The following CADPS2 variants were observed in gnomAD, a reference collection of about 807,000 sequenced individuals.
CADPS2 encodes calcium-dependent secretion activator 2.
In CADPS2, 93 loss-of-function variants were observed where a neutral mutation model predicts 172.5. That is an observed-to-expected ratio of 0.54 (90% CI 0.46 to 0.64). CADPS2 has a LOEUF of 0.64. CADPS2 is among the 30% of genes least tolerant of loss of function. CADPS2 has a pLI of 0.00. For missense variants in CADPS2, 1,420 were observed against 1,565.9 expected, an observed-to-expected ratio of 0.91 and a Z score of 1.57; for synonymous variants, 546 against 555.2, an observed-to-expected ratio of 0.98 and a Z score of 0.23.
rs1393750795 is a variant in CADPS2, at chr7:122,885,988, C to T, written c.339+11G>A. 6.3e-7 allele frequency: 1 copy of T among 1,598,158 alleles called. No individual in the cohort carries two copies. Among genetic ancestry groups the T allele is most frequent in the Non-Finnish European group, 8.5e-7 (1 of 1,172,882 alleles). ...AAGTGGTGGTAGGAGGCGCCCGGTC[C>T]CGCAACTCACCTTCTGCTGCCTCCG... On this transcript the variant is annotated intron_variant, in intron 1 of 29. Transcript: ENST00000449022.
At chr7:122,353,246 C>T (rs798694) in intron 27 of CADPS2, among the ~76,000 whole-genome samples, 54,394 of 151,972 alleles carry the variant, frequency 0.36, 10,045 homozygotes, top group East Asian at 0.56. Flanking sequence ...ATCCTCGACC[C>T]CATATCAAGT....
chr7:122,457,255 C>T (rs529614921), intron 14 of CADPS2, among the ~76,000 whole-genome samples: 1 of 152,268 alleles, frequency 6.6e-6, no homozygotes, highest in African/African-American at 2.4e-5. Context: ...ATGAGGAAGA[C>T]TGCTTAAATA....
intron 25 of CADPS2, among the ~76,000 whole-genome samples, chr7:122,363,343 T>C (rs2040430723): frequency 6.6e-6 from 1 of 152,214 alleles, no homozygotes; most frequent in Admixed American, 6.5e-5. Flanking sequence ...CCATGGAGGC[T>C]GTAGCCCAGC....
intron 2 of CADPS2, among the ~76,000 whole-genome samples, chr7:122,688,175 T>C (rs1400973550): frequency 6.6e-6 from 1 of 152,190 alleles, no homozygotes; most frequent in Non-Finnish European, 1.5e-5. Context: ...GTATCCATGG[T>C]GTGTTGGTAA....
chr7:122,605,319 CTG>C (rs1422079044), intron 6 of CADPS2, among the ~76,000 whole-genome samples: 1 of 152,038 alleles, frequency 6.6e-6, no homozygotes, highest in Non-Finnish European at 1.5e-5. Context: ...AATTAAGTAA[CTG>C]TACTACGATG....
In CADPS2 at chr7:122,740,856, G is replaced by T. The variant is rs77042132; in HGVS notation, c.340-3788C>A. Among the ~76,000 whole-genome samples, 1,293 of 152,074 alleles carry T rather than the reference G, an allele frequency of 8.5e-3. 20 individuals carry two copies. Among genetic ancestry groups the T allele is most frequent in the African/African-American group, 0.029 (1,207 of 41,508 alleles). On this transcript the variant is annotated intron_variant, in intron 1 of 29. Coordinates refer to ENST00000449022, the MANE Select transcript of CADPS2 (RefSeq NM_017954.11). The stretch of plus-strand genomic sequence containing the variant: ...AACCAACAGAAAAATGGACAAAATT[G>T]ATATGTTCAGATAAAAGACTTAATC...
Position 122,613,676 on chromosome 7 carries a change from GT to G in CADPS2, c.1223+1504del, listed in dbSNP as rs1270924768. On this transcript the variant is annotated intron_variant, in intron 6 of 29. Transcript: ENST00000449022. ...TGGGGGTTGATAGCTAAAGGGTACAGTTTTTTTTTTTTCTTGAGATGATGAG... is the reference window on the plus strand; with the variant it reads ...TGGGGGTTGATAGCTAAAGGGTACAGTTTTTTTTTTTCTTGAGATGATGAG... Among the ~76,000 whole-genome samples, 146 of 145,812 alleles carry G rather than the reference GT, an allele frequency of 1.0e-3. 1 individual carries two copies. Among genetic ancestry groups the G allele is most frequent in the East Asian group, 2.0e-3 (10 of 5,014 alleles).
chr7:122,456,787 C>A (rs1262588813), intron 14 of CADPS2, among the ~76,000 whole-genome samples: 1 of 152,160 alleles, frequency 6.6e-6, no homozygotes, highest in Non-Finnish European at 1.5e-5. Flanking sequence ...CACACAAACA[C>A]AGACAACACT....
At chr7:122,550,574 A>C in intron 8 of CADPS2, among the ~76,000 whole-genome samples, 1 of 152,314 alleles carries the variant, frequency 6.6e-6, no homozygotes, top group Non-Finnish European at 1.5e-5. Flanking sequence ...TTGTCATAAC[A>C]GTCATTTATT....
chr7:122,589,643 T>C (rs758134668), intron 6 of CADPS2, among the ~76,000 whole-genome samples: 1 of 151,926 alleles, frequency 6.6e-6, no homozygotes, highest in Non-Finnish European at 1.5e-5. Flanking sequence ...TTTACTATGA[T>C]CCAAACTATA....
chr7:122,714,496 CAA>C (rs1353814375), intron 2 of CADPS2, among the ~76,000 whole-genome samples: 2 of 151,656 alleles, frequency 1.3e-5, no homozygotes, highest in Non-Finnish European at 2.9e-5. Context: ...AAAAAACAAA[CAA>C]TAAGTGGGGC....
intron 4 of CADPS2, among the ~76,000 whole-genome samples, chr7:122,628,443 GAGAAAT>G (rs1416744251): frequency 1.1e-4 from 16 of 151,868 alleles, no homozygotes; most frequent in Admixed American, 9.9e-4. Context: ...TTACGAGAGA[GAGAAAT>G]AGAGAGGGAG....
chr7:122,323,500 C>T (rs1307071719), intron 29 of CADPS2, among the ~76,000 whole-genome samples: 2 of 151,922 alleles, frequency 1.3e-5, no homozygotes, highest in African/African-American at 2.4e-5. Context: ...TTCAAGTATA[C>T]ATTAATAAGT....
chr7:122,398,540 T>A (rs2045468142), intron 20 of CADPS2, among the ~76,000 whole-genome samples: 1 of 152,154 alleles, frequency 6.6e-6, no homozygotes, highest in African/African-American at 2.4e-5. Flanking sequence ...AAAACAATTA[T>A]TTAAGAGACT....
At chr7:122,871,411 AAAC>A (rs1256855539) in intron 1 of CADPS2, among the ~76,000 whole-genome samples, 1 of 151,970 alleles carries the variant, frequency 6.6e-6, no homozygotes, top group East Asian at 1.9e-4. Context: ...AATTATTATA[AAAC>A]AAAAGCACAA....
intron 1 of CADPS2, among the ~76,000 whole-genome samples, chr7:122,840,302 A>T (rs1409799906): frequency 3.9e-5 from 6 of 152,094 alleles, no homozygotes; most frequent in Non-Finnish European, 7.4e-5. Flanking sequence ...GGAGGAAGGG[A>T]TAGCATTAGG....
At chr7:122,597,220 A>G (rs1463720965) in intron 6 of CADPS2, among the ~76,000 whole-genome samples, 1 of 152,108 alleles carries the variant, frequency 6.6e-6, no homozygotes, top group African/African-American at 2.4e-5. Flanking sequence ...CGTCAGTTAA[A>G]CTTTTTGAGT....
Position 122,854,745 on chromosome 7 carries a change from T to C in CADPS2, c.339+31254A>G, listed in dbSNP as rs1814687731. ...AGCTTCCATACAAAAACACAAAAGG[T>C]GATAGTCTTCCAAAAGTGTTTGGTA... On this transcript the variant is annotated intron_variant, in intron 1 of 29. Transcript: ENST00000449022. Among the ~76,000 whole-genome samples, 3 of 152,036 alleles carry C rather than the reference T, an allele frequency of 2.0e-5. No individual in the cohort carries two copies. The South Asian group carries it at 6.2e-4, about 32-fold the overall frequency.
chr7:122,843,083 G>A (rs1040123903), intron 1 of CADPS2, among the ~76,000 whole-genome samples: 1 of 152,198 alleles, frequency 6.6e-6, no homozygotes, highest in Non-Finnish European at 1.5e-5. Flanking sequence ...AAGAGATTGT[G>A]TTGATTTTTC....
Sources: gnomAD v4.1 joint callset for allele counts (sites outside exome capture counted in the v4.1 genomes callset) on GRCh38, gnomAD v4.1.1 for gene constraint, MANE v1.5 for transcripts, NCBI Gene and HGNC (gene_info 2026-07-23, HGNC 2026-07-21) for gene names.